The following PLK5 variants were observed in gnomAD, a reference collection of about 807,000 sequenced individuals.
PLK5 encodes inactive serine/threonine-protein kinase PLK5.
Under a neutral mutation model 33.7 loss-of-function variants are expected in PLK5, and 28 were observed. The ratio of observed to expected loss-of-function variants is 0.83; its 90% CI spans 0.62 to 1.14. PLK5 has a LOEUF of 1.14. Ranked by LOEUF, PLK5 falls within the 50% of genes most tolerant of loss-of-function variation. The pLI is 0.00. For synonymous variants in PLK5, 225 were observed against 202.2 expected (o/e 1.11, Z -0.96); for missense variants, 492 against 461.5 (o/e 1.07, Z -0.61).
intron 12 of PLK5, 133 bp downstream of exon 12, chr19:1,532,016 C>T (rs1051509073): frequency 3.3e-5 from 34 of 1,039,862 alleles, no homozygotes; most frequent in Middle Eastern, 2.8e-4. Flanking sequence ...GAGAACAACA[C>T]TAAACGAATC....
intron 11 of PLK5, 97 bp downstream of exon 11, chr19:1,529,921 G>A (rs1449359394): frequency 7.6e-6 from 10 of 1,313,080 alleles, no homozygotes; most frequent in Non-Finnish European, 2.1e-6. Flanking sequence ...TATTTCTGGG[G>A]GTGAGGAGTA....
chr19:1,532,870 G>C (rs1482001754), intron 12 of PLK5, among the ~76,000 whole-genome samples: 3 of 151,726 alleles, frequency 2.0e-5, no homozygotes, highest in African/African-American at 7.3e-5. Context: ...GTTTCACTGT[G>C]TTAGCCAGGA....
chr19:1,530,202 C>T (rs1248036896), intron 11 of PLK5, among the ~76,000 whole-genome samples: 1 of 152,166 alleles, frequency 6.6e-6, no homozygotes, highest in Non-Finnish European at 1.5e-5. Context: ...CCTCCTCTCC[C>T]TGAGCCTCCA....
intron 12 of PLK5, 36 bp downstream of exon 12, chr19:1,531,919 C>T: frequency 1.4e-6 from 2 of 1,426,088 alleles, no homozygotes; most frequent in Non-Finnish European, 1.8e-6. Flanking sequence ...GGGGACCAGG[C>T]ACTCCCCCTG....
intron 12 of PLK5, 119 bp downstream of exon 12, chr19:1,532,002 C>G: frequency 4.2e-6 from 5 of 1,176,488 alleles, no homozygotes; most frequent in Non-Finnish European, 4.5e-6. Context: ...CCTGCCTGGT[C>G]GGGGAGAACA....
Position 1,526,635 on chromosome 19 carries a change from A to C in PLK5, c.-183+20A>C. 3 of 368,116 alleles carry C rather than the reference A, an allele frequency of 8.1e-6. No individual in the cohort carries two copies. The highest frequency in any genetic ancestry group is 5.2e-6 in the Non-Finnish European group (1 of 193,244). 22.8% of individuals were successfully genotyped at this position (368,116 alleles called of 1,614,324 possible). A position where few individuals can be genotyped will look rare whatever the true frequency, so the allele number is the denominator to read the frequency against. On this transcript the variant is annotated intron_variant, in intron 4 of 13. Transcript: ENST00000454744. ...AGCTCAGTGAGTGCCAGGAAGGGGA[A>C]CTGTGGGCGGGGGCGTCGGGAGGTG...
chr19:1,529,117 C>G (rs942569347), intron 9 of PLK5, 143 bp downstream of exon 9: 9 of 728,628 alleles, frequency 1.2e-5, no homozygotes, highest in Non-Finnish European at 2.0e-5. Context: ...CCCGTCCTGA[C>G]GCATCAGAGC....
At position 1,534,008 on chromosome 19, in the gene PLK5, C is replaced by CCTG. The variant is rs1286509537; in HGVS notation, c.802_804dup (p.Leu268dup). ...TGCGCTTCCTGGCCTCTGAGCACGC[C>CCTG]CTGCTGCTGCTGTTCAGCAATGGGA... On this transcript the variant is annotated inframe_insertion, in exon 13 of 14. Transcript: ENST00000454744. 4 of 1,534,972 alleles carry CCTG rather than the reference C, an allele frequency of 2.6e-6. No individual in the cohort carries two copies. Among genetic ancestry groups the CCTG allele is most frequent in the Non-Finnish European group, 3.5e-6 (4 of 1,146,220 alleles).
chr19:1,526,750 G>T lies in PLK5; in HGVS notation c.-136G>T. 1.8e-6 allele frequency: 1 copy of T among 570,696 alleles called. No homozygotes were observed. The highest frequency in any genetic ancestry group is 1.9e-5 in the African/African-American group (1 of 52,448). The allele number at this position is 570,696 out of a possible 1,614,324, so 35.4% of individuals were successfully genotyped here. A position where few individuals can be genotyped will look rare whatever the true frequency, so the allele number is the denominator to read the frequency against. Reference sequence around the variant, plus strand: ...ACATGGAGGTGAAGATTGGAGACCTGGGACTGGCGGCCAAGGTGGGGCCAG... The same window carrying T: ...ACATGGAGGTGAAGATTGGAGACCTTGGACTGGCGGCCAAGGTGGGGCCAG... On this transcript the variant is annotated 5_prime_UTR_variant, in exon 5 of 14. Transcript: ENST00000454744.
chr19:1,534,041 G>A lies in PLK5; in HGVS notation c.825G>A (p.Gln275=), dbSNP rs751558103. 55 of 1,535,238 alleles carry A rather than the reference G, an allele frequency of 3.6e-5. No homozygotes were observed. Among genetic ancestry groups the A allele is most frequent in the South Asian group, 1.4e-4 (12 of 84,030 alleles). The part of the protein sequence containing the change: ...LLLLFSNGMV[Q]VSFSGVPAQL... ...TGCTGTTCAGCAATGGGATGGTGCA[G>A]GTGAGCCCGGGGCTCAAACTCGGGG... The change falls in exon 13 of 14, where the codon CAG becomes CAA. Residue 275 remains glutamine, a splice_region_variant and synonymous_variant. Coordinates refer to ENST00000454744, the MANE Select transcript of PLK5 (RefSeq NM_001243079.2).
In PLK5 at chr19:1,524,100, G is replaced by T. The variant is rs1429226447; in HGVS notation, c.-690G>T. ...TCAGAGCGGCCCCGGAGCGGCCGCAGCGCGGTGGTCTCGGCCCGGCTGCGC... is the reference window on the plus strand; with the variant it reads ...TCAGAGCGGCCCCGGAGCGGCCGCATCGCGGTGGTCTCGGCCCGGCTGCGC... On this transcript the variant is annotated 5_prime_UTR_variant, in exon 1 of 14. Transcript: ENST00000454744. The surrounding 1 kb of genome is among the most constrained non-coding windows in gnomAD (Gnocchi z 4.5). 2.6e-5 allele frequency: 4 copies of T among 151,176 alleles called. No individual in the cohort carries two copies. The highest frequency in any genetic ancestry group is 5.9e-5 in the Non-Finnish European group (4 of 67,674). 9.4% of individuals were successfully genotyped at this position (151,176 alleles called of 1,614,324 possible).
chr19:1,527,022 GGGCAGGGCCTCC>G, intron 6 of PLK5, 24 bp downstream of exon 6: 1 of 1,516,002 alleles, frequency 6.6e-7, no homozygotes, highest in East Asian at 2.5e-5. Flanking sequence ...TGGAGAAGGT[GGGCAGGGCCTCC>G]GGGGGGGGCA....
chr19:1,526,881 C>T (rs1423219608), intron 5 of PLK5, 22 bp from the exon 6 acceptor site: 3 of 1,282,750 alleles, frequency 2.3e-6, no homozygotes, highest in Non-Finnish European at 3.3e-6. Context: ...CCTTCCTGAG[C>T]CCCCCATGAC....
Position 1,535,875 on chromosome 19 carries a change from C to G in PLK5, c.*625C>G, listed in dbSNP as rs966457393. The stretch of plus-strand genomic sequence containing the variant: ...GGGCGACAGAACAAAGACCCTGTCT[C>G]AACAACAACAAAAGTAGTACCAGAA... On this transcript the variant is annotated 3_prime_UTR_variant, in exon 14 of 14. Transcript: ENST00000454744. The G allele has an allele frequency of 6.6e-6, 1 of 151,836 alleles. No individual in the cohort carries two copies. Among genetic ancestry groups the G allele is most frequent in the African/African-American group, 2.4e-5 (1 of 41,214 alleles). The allele number at this position is 151,836 out of a possible 1,614,324, so 9.4% of individuals were successfully genotyped here.
chr19:1,526,786 C>T lies in PLK5; in HGVS notation c.-100C>T. 2 of 611,674 alleles carry T rather than the reference C, an allele frequency of 3.3e-6. No homozygotes were observed. The highest frequency in any genetic ancestry group is 5.7e-5 in the Admixed American group (2 of 35,290). 37.9% of individuals were successfully genotyped at this position (611,674 alleles called of 1,614,324 possible). A position where few individuals can be genotyped will look rare whatever the true frequency, so the allele number is the denominator to read the frequency against. ...CCAAGGTGGGGCCAGGGGGCCGCTG[C>T]CACAGGTGAGAGCCGGGGGGAGGGC... On this transcript the variant is annotated 5_prime_UTR_variant, in exon 5 of 14. Coordinates refer to ENST00000454744, the MANE Select transcript of PLK5 (RefSeq NM_001243079.2).
At chr19:1,526,213 T>G (rs769330394) in intron 3 of PLK5, among the ~76,000 whole-genome samples, 17 of 152,152 alleles carry the variant, frequency 1.1e-4, no homozygotes, top group Non-Finnish European at 2.4e-4. Flanking sequence ...CTTCTCAAGC[T>G]GACAAGCATG....
At chr19:1,534,178 T>C (rs1273627707) in intron 13 of PLK5, 137 bp downstream of exon 13, 4 of 665,986 alleles carry the variant, frequency 6.0e-6, no homozygotes, top group Non-Finnish European at 1.0e-5. Flanking sequence ...AAAAAAGGTA[T>C]TGGCTCCTGC....
At chr19:1,528,276 G>A in intron 7 of PLK5, 26 bp from the exon 8 acceptor site, 7 of 1,535,892 alleles carry the variant, frequency 4.6e-6, no homozygotes, top group South Asian at 1.2e-5. Context: ...CCTAAGCCGG[G>A]GATAACCCCA....
intron 8 of PLK5, 66 bp from the exon 9 acceptor site, chr19:1,528,832 G>A (rs1599304619): frequency 2.5e-6 from 3 of 1,209,124 alleles, no homozygotes; most frequent in Non-Finnish European, 3.3e-6. Flanking sequence ...GTGGGTGGCA[G>A]GTGCCCCCCT....
Sources: allele counts gnomAD v4.1 joint callset (sites outside exome capture counted in the v4.1 genomes callset), GRCh38; gene constraint gnomAD v4.1.1; non-coding constraint Gnocchi (gnomAD v3.1); transcripts MANE v1.5; gene names NCBI Gene and HGNC (gene_info 2026-07-23, HGNC 2026-07-21).